Variants in RPN2 observed in about 807,000 individuals in gnomAD.
RPN2 encodes the protein dolichyl-diphosphooligosaccharide--protein glycosyltransferase subunit 2.
RPN2 carries 29 observed loss-of-function variants against 71.4 expected under a neutral mutation model. The observed-to-expected ratio is 0.41, with a 90% confidence interval of 0.30 to 0.55. The LOEUF is 0.55. Ranked by LOEUF, RPN2 falls within the 20% of genes least tolerant of loss-of-function variation. The pLI, the probability that RPN2 is intolerant of heterozygous loss-of-function variation, is 0.35. For missense variants in RPN2, 726 were observed against 774.1 expected (o/e 0.94, Z 0.74); for synonymous variants, 308 against 305.0 (o/e 1.01, Z -0.10).
chr20:37,232,308 G>C lies in RPN2; in HGVS notation c.1594G>C (p.Glu532Gln), dbSNP rs140556886. The change falls in exon 14 of 17, where the codon GAG (glutamate) becomes CAG (glutamine). Residue 532 changes from glutamate (E) to glutamine (Q), a missense_variant. By Grantham distance (29) the Glu-to-Gln change is conservative. Transcript: ENST00000237530. ...PKQEIQHLFREPEKRPPTVVS... is the reference protein window; with the variant it reads ...PKQEIQHLFRQPEKRPPTVVS... ...TGTCTTTCGGCAGCACCTGTTCCGC[G>C]AGCCTGAGAAGAGGCCCCCCACCGT... 6.2e-7 allele frequency: 1 copy of C among 1,614,016 alleles called. No homozygotes were observed. The highest frequency in any genetic ancestry group is 1.7e-5 in the Admixed American group (1 of 60,000).
At chr20:37,185,884 C>G (rs1481867337) in intron 2 of RPN2, among the ~76,000 whole-genome samples, 1 of 152,224 alleles carries the variant, frequency 6.6e-6, no homozygotes, top group Non-Finnish European at 1.5e-5. Context: ...AGGCATTGGC[C>G]AAACTGGGCT....
At chr20:37,186,998 T>C (rs2146520162) in intron 2 of RPN2, among the ~76,000 whole-genome samples, 1 of 152,360 alleles carries the variant, frequency 6.6e-6, no homozygotes, top group South Asian at 2.1e-4. Flanking sequence ...CAGGTGGTGC[T>C]GTGGACTTCC....
At chr20:37,204,925 C>T in intron 6 of RPN2, 24 bp downstream of exon 6, 2 of 1,614,044 alleles carry the variant, frequency 1.2e-6, no homozygotes, top group Non-Finnish European at 1.7e-6. Context: ...AATTTTCAGG[C>T]ATGAAACCCA....
Position 37,204,770 on chromosome 20 carries a change from C to G in RPN2, c.559C>G (p.Leu187Val). 6.2e-7 allele frequency: 1 copy of G among 1,614,140 alleles called. No homozygotes were observed. Among genetic ancestry groups the G allele is most frequent in the South Asian group, 1.1e-5 (1 of 91,082 alleles). The change falls in exon 6 of 17, where the codon CTT (leucine) becomes GTT (valine). Residue 187 changes from leucine to valine, a missense_variant. Transcript: ENST00000237530. ...TATTTCTGTTTTGTTATGGCAGGAC[C>G]TTGTTGCTCGCCTGGATGAACTCGG... ...LRSIVEEIED[L>V]VARLDELGGV... is the part of the protein sequence containing the mutation.
Position 37,184,209 on chromosome 20 carries a change from A to G in RPN2, c.43A>G (p.Thr15Ala), listed in dbSNP as rs761585512. ...AAGCACTGTCTTCCTGTTGGCCCTG[A>G]CAATCATAGCCAGCACCTGGGCTCT... ...GSSTVFLLAL[T>A]IIASTWALTP... Residue 15 changes from threonine (T) to alanine (A), a missense_variant, in exon 2 of 17, where the codon ACA becomes GCA. Physicochemically the swap from Thr to Ala is moderately conservative, Grantham distance 58 (BLOSUM62 0). Transcript: ENST00000237530. 1 of 1,614,068 alleles carries G rather than the reference A, an allele frequency of 6.2e-7. No homozygotes were observed. The highest frequency in any genetic ancestry group is 8.5e-7 in the Non-Finnish European group (1 of 1,180,000).
chr20:37,198,191 A>G (rs2067294775), intron 2 of RPN2, among the ~76,000 whole-genome samples: 1 of 152,234 alleles, frequency 6.6e-6, no homozygotes. Flanking sequence ...GAAGGACTCA[A>G]GCGCCTTCAG....
At chr20:37,179,555 G>C in intron 1 of RPN2, 186 bp downstream of exon 1, 1 of 1,374,566 alleles carries the variant, frequency 7.3e-7, no homozygotes, top group Non-Finnish European at 9.5e-7. Context: ...GAGTGCCCGC[G>C]ACCTGGCGGG....
At chr20:37,217,561 G>C (rs1416271329) in intron 9 of RPN2, among the ~76,000 whole-genome samples, 1 of 152,086 alleles carries the variant, frequency 6.6e-6, no homozygotes, top group Non-Finnish European at 1.5e-5. Context: ...AAAATGCTGG[G>C]ATTACAGGCG....
At position 37,204,920 on chromosome 20, in the gene RPN2, T is replaced by G; in HGVS notation, c.690+19T>G. ...TAAGGAGGTACCTATCTAACAATTT[T>G]CAGGCATGAAACCCAAAGGGGTCAT... On this transcript the variant is annotated intron_variant, in intron 6 of 16. Transcript: ENST00000237530. 1 of 1,614,138 alleles carries G rather than the reference T, an allele frequency of 6.2e-7. No individual in the cohort carries two copies. The highest frequency in any genetic ancestry group is 1.1e-5 in the South Asian group (1 of 91,084).
At chr20:37,238,497 T>C (rs972225012) in intron 16 of RPN2, 12 of 1,362,492 alleles carry the variant, frequency 8.8e-6, no homozygotes, top group African/African-American at 8.6e-5. Context: ...CCCTTCCCCG[T>C]CTTGCCCGCC....
intron 2 of RPN2, among the ~76,000 whole-genome samples, chr20:37,191,521 C>A (rs1399728814): frequency 1.3e-5 from 2 of 151,810 alleles, no homozygotes; most frequent in South Asian, 4.2e-4. Flanking sequence ...AATCCCAGTA[C>A]TTTGGGGATG....
intron 9 of RPN2, among the ~76,000 whole-genome samples, chr20:37,221,528 A>G (rs1309659687): frequency 6.6e-6 from 1 of 152,174 alleles, no homozygotes; most frequent in Non-Finnish European, 1.5e-5. Flanking sequence ...CTCCATAGTA[A>G]TTAATAATAT....
intron 6 of RPN2, among the ~76,000 whole-genome samples, chr20:37,205,381 G>A (rs924470403): frequency 1.2e-4 from 19 of 152,174 alleles, no homozygotes; most frequent in Middle Eastern, 3.4e-3. Context: ...TCACACATCC[G>A]CCAAGAGTTC....
At position 37,230,070 on chromosome 20, in the gene RPN2, A is replaced by T; in HGVS notation, c.1581+11A>T. The T allele has an allele frequency of 6.2e-7, 1 of 1,604,094 alleles. No homozygotes were observed. The highest frequency in any genetic ancestry group is 8.5e-7 in the Non-Finnish European group (1 of 1,170,818). On this transcript the variant is annotated intron_variant, in intron 13 of 16. Transcript: ENST00000237530. ...AAACAGGAAATTCAGGTATATCCCA[A>T]AGGGCCTATCCACTAAACGTGGGAG...
At chr20:37,216,957 G>T (rs867237969) in intron 9 of RPN2, among the ~76,000 whole-genome samples, 2 of 150,784 alleles carry the variant, frequency 1.3e-5, no homozygotes, top group African/African-American at 4.9e-5. Flanking sequence ...TTGAGACAAG[G>T]TCTCATTCTA....
intron 4 of RPN2, among the ~76,000 whole-genome samples, chr20:37,200,114 C>T (rs1042362400): frequency 3.9e-5 from 6 of 152,058 alleles, no homozygotes; most frequent in African/African-American, 9.7e-5. Context: ...CCTGCCTCAG[C>T]GTCTTCAGTG....
chr20:37,223,760 G>T (rs2068013634), intron 9 of RPN2, 118 bp from the exon 10 acceptor site: 3 of 793,012 alleles, frequency 3.8e-6, no homozygotes, highest in African/African-American at 1.7e-5. Context: ...GAAGACTCTT[G>T]TTCTAGGATT....
rs562067044 is a variant in RPN2 at position 37,216,507 on chromosome 20, G to C, written c.1092+2642G>C. Among the ~76,000 whole-genome samples the C allele has an allele frequency of 8.6e-5, 13 of 151,518 alleles. No individual in the cohort carries two copies. In the South Asian group the frequency reaches 2.7e-3, roughly 32 times the overall value. The stretch of plus-strand genomic sequence containing the variant: ...GACAGAGTCTCGCTCTGTCACTCAG[G>C]CTGGAGTATAGTGGTGCCATCTTGG... On this transcript the variant is annotated intron_variant, in intron 9 of 16. Transcript: ENST00000237530.
chr20:37,216,302 G>A (rs1026378108), intron 9 of RPN2, among the ~76,000 whole-genome samples: 22 of 152,074 alleles, frequency 1.4e-4, no homozygotes, highest in African/African-American at 5.1e-4. Flanking sequence ...TCGTGCCACC[G>A]CACTCCAGCC....
Sources: allele counts gnomAD v4.1 joint callset (sites outside exome capture counted in the v4.1 genomes callset), GRCh38; gene constraint gnomAD v4.1.1; transcripts MANE v1.5; gene names NCBI Gene and HGNC (gene_info 2026-07-23, HGNC 2026-07-21).